Variants in SAMD3 observed in about 807,000 individuals in gnomAD.
SAMD3 encodes sterile alpha motif domain-containing protein 3.
SAMD3 carries 63 observed loss-of-function variants against 58.5 expected under a neutral mutation model. That is an observed-to-expected ratio of 1.08 (90% CI 0.88 to 1.33). The LOEUF is 1.33. SAMD3 is among the 40% of genes most tolerant of loss of function. SAMD3 has a pLI of 0.00. For synonymous variants in SAMD3, 220 were observed against 210.3 expected (o/e 1.05, Z -0.40); for missense variants, 604 against 608.4 (o/e 0.99, Z 0.08).
intron 5 of SAMD3, among the ~76,000 whole-genome samples, chr6:130,187,797 A>G (rs1325525815): frequency 6.6e-6 from 1 of 152,212 alleles, no homozygotes; most frequent in African/African-American, 2.4e-5. Context: ...GGATGGTTAT[A>G]TTACTGTTCC....
At chr6:130,185,628 A>ATT (rs1224222250) in intron 5 of SAMD3, among the ~76,000 whole-genome samples, 42 of 132,378 alleles carry the variant, frequency 3.2e-4, no homozygotes, top group African/African-American at 7.0e-4. Flanking sequence ...CATCTGCCCA[A>ATT]TTTTTTTTTT....
intron 2 of SAMD3, among the ~76,000 whole-genome samples, chr6:130,284,151 C>T (rs927314218): frequency 1.4e-4 from 21 of 152,078 alleles, no homozygotes; most frequent in African/African-American, 4.6e-4. Context: ...CCATGCCCGG[C>T]CTAAGAAGCA....
At chr6:130,172,392 G>T (rs1791333016) in intron 8 of SAMD3, among the ~76,000 whole-genome samples, 2 of 152,312 alleles carry the variant, frequency 1.3e-5, no homozygotes, top group South Asian at 4.1e-4. Context: ...CTCTTGTAAA[G>T]CAGGCCCAGT....
chr6:130,229,440 G>A (rs1796478322), intron 2 of SAMD3, among the ~76,000 whole-genome samples: 1 of 152,076 alleles, frequency 6.6e-6, no homozygotes, highest in Non-Finnish European at 1.5e-5. Flanking sequence ...TGGAAGTGGG[G>A]CTCAGAGCCA....
chr6:130,197,982 C>T (rs998455549), intron 5 of SAMD3, among the ~76,000 whole-genome samples: 3 of 152,232 alleles, frequency 2.0e-5, no homozygotes, highest in South Asian at 4.2e-4. Context: ...GAAATTCCTC[C>T]TCCTGGCTCA....
At chr6:130,321,455 T>C (rs1362202219) in intron 1 of SAMD3, among the ~76,000 whole-genome samples, 2 of 152,174 alleles carry the variant, frequency 1.3e-5, no homozygotes, top group African/African-American at 2.4e-5. Flanking sequence ...TGCTGACCCA[T>C]GGAAATGGCG....
chr6:130,365,064 T>C (rs1778097230), intron 1 of SAMD3: 2 of 568,838 alleles, frequency 3.5e-6, no homozygotes, highest in African/African-American at 4.1e-5. Flanking sequence ...GCGGCTGGCC[T>C]GCACAGGGGG....
chr6:130,309,369 C>A (rs1338596764), intron 2 of SAMD3, among the ~76,000 whole-genome samples: 1 of 152,206 alleles, frequency 6.6e-6, no homozygotes, highest in African/African-American at 2.4e-5. Flanking sequence ...ATATCCCCCA[C>A]TTCACAGGGC....
At chr6:130,336,350 T>C (rs1777100890) in intron 1 of SAMD3, among the ~76,000 whole-genome samples, 1 of 152,192 alleles carries the variant, frequency 6.6e-6, no homozygotes, top group Non-Finnish European at 1.5e-5. Flanking sequence ...TGAATTCTGA[T>C]ACGTGTGCAT....
At chr6:130,300,963 C>T (rs1219644627) in intron 2 of SAMD3, among the ~76,000 whole-genome samples, 1 of 152,102 alleles carries the variant, frequency 6.6e-6, no homozygotes, top group Non-Finnish European at 1.5e-5. Context: ...AATGCTATCC[C>T]TCCCTCAGCC....
intron 2 of SAMD3, among the ~76,000 whole-genome samples, chr6:130,311,018 ATGTATGG>A (rs1776135329): frequency 6.6e-6 from 1 of 152,124 alleles, no homozygotes; most frequent in African/African-American, 2.4e-5. Flanking sequence ...TGTACCTTGG[ATGTATGG>A]CTCCAGCGCT....
intron 1 of SAMD3, among the ~76,000 whole-genome samples, chr6:130,325,732 G>A (rs919458438): frequency 6.6e-5 from 10 of 152,016 alleles, no homozygotes; most frequent in African/African-American, 2.4e-4. Flanking sequence ...TTATATTTTT[G>A]GCACAATTCA....
chr6:130,199,782 A>T (rs1003340481), intron 5 of SAMD3, among the ~76,000 whole-genome samples: 3 of 152,198 alleles, frequency 2.0e-5, no homozygotes, highest in Non-Finnish European at 4.4e-5. Context: ...TGTTGCTGCA[A>T]CTGATGGTAC....
chr6:130,258,082 C>T (rs961274237), intron 2 of SAMD3, among the ~76,000 whole-genome samples: 1 of 150,654 alleles, frequency 6.6e-6, no homozygotes, highest in Admixed American at 6.6e-5. Context: ...AAATATATAA[C>T]TATTTATTTT....
rs1796278324 is a variant in SAMD3 at position 130,222,887 on chromosome 6, C to G, written c.-261G>C. 6.6e-6 allele frequency: 1 copy of G among 152,132 alleles called. No homozygotes were observed. The highest frequency in any genetic ancestry group is 1.9e-4 in the East Asian group (1 of 5,190). 9.4% of individuals were successfully genotyped at this position (152,132 alleles called of 1,614,324 possible). A position where few individuals can be genotyped will look rare whatever the true frequency, so the allele number is the denominator to read the frequency against. On this transcript the variant is annotated 5_prime_UTR_variant, in exon 1 of 12. Transcript: ENST00000439090. Reference sequence around the variant, plus strand: ...TGAAAAATCAAAAGTTCTGGTGATACTGGGTTCATATTTCTGAATGGCAGC... The same window carrying G: ...TGAAAAATCAAAAGTTCTGGTGATAGTGGGTTCATATTTCTGAATGGCAGC...
upstream of SAMD3, among the ~76,000 whole-genome samples, chr6:130,224,195 G>T (rs904170895): frequency 3.3e-5 from 5 of 152,054 alleles, no homozygotes; most frequent in Non-Finnish European, 7.4e-5. Context: ...AGTGTATTCT[G>T]CCAGTGTGTT....
At chr6:130,247,041 C>G (rs150318324) in intron 2 of SAMD3, among the ~76,000 whole-genome samples, 1 of 152,198 alleles carries the variant, frequency 6.6e-6, no homozygotes, top group Non-Finnish European at 1.5e-5. Context: ...GGAACCAACT[C>G]TCCTTGGAGA....
rs560091013 is a variant in SAMD3, at chr6:130,303,762, T to C, written c.-188+9216A>G. Among the ~76,000 whole-genome samples, 7 of 152,334 alleles carry C rather than the reference T, an allele frequency of 4.6e-5. No homozygotes were observed. In the East Asian group the frequency reaches 1.4e-3, roughly 29 times the overall value. ...TTAACTCCTGTCCCAGTTTTCACTATTGCACCTATATGCACTTTATTGGCC... is the reference window on the plus strand; with the variant it reads ...TTAACTCCTGTCCCAGTTTTCACTACTGCACCTATATGCACTTTATTGGCC... On this transcript the variant is annotated intron_variant, in intron 2 of 13. Transcript: ENST00000368134.
chr6:130,255,381 GT>G (rs1207976340), intron 2 of SAMD3, among the ~76,000 whole-genome samples: 15 of 152,168 alleles, frequency 9.9e-5, no homozygotes, highest in Non-Finnish European at 2.1e-4. Flanking sequence ...TCTGCTCATT[GT>G]TGATAATAGG....
Sources: allele counts gnomAD v4.1 joint callset (sites outside exome capture counted in the v4.1 genomes callset), GRCh38; gene constraint gnomAD v4.1.1; transcripts MANE v1.5; gene names NCBI Gene and HGNC (gene_info 2026-07-23, HGNC 2026-07-21).